Variants in CCDC141 observed in about 807,000 individuals in gnomAD.
CCDC141 encodes the protein coiled-coil domain-containing protein 141.
In CCDC141, 168 loss-of-function variants were observed where a neutral mutation model predicts 181.0. The ratio of observed to expected loss-of-function variants is 0.93; its 90% CI spans 0.82 to 1.05. The LOEUF is 1.05. Ranked by LOEUF, CCDC141 falls within the 50% of genes least tolerant of loss-of-function variation. CCDC141 has a pLI of 0.00. For missense variants in CCDC141, 1,902 were observed against 1,788.5 expected (o/e 1.06, Z -1.14); for synonymous variants, 666 against 642.3 (o/e 1.04, Z -0.56).
chr2:178,958,820 T>C (rs1383875970), intron 5 of CCDC141, among the ~76,000 whole-genome samples: 1 of 151,964 alleles, frequency 6.6e-6, no homozygotes, highest in African/African-American at 2.4e-5. Flanking sequence ...TAAAACTTAC[T>C]GTAGCTATTT....
intron 8 of CCDC141, among the ~76,000 whole-genome samples, chr2:178,902,211 C>T (rs570094393): frequency 6.6e-6 from 1 of 152,320 alleles, no homozygotes; most frequent in East Asian, 1.9e-4. Flanking sequence ...ATGCTATCCC[C>T]ATCAAGCTAC....
chr2:178,866,584 A>G (rs957039047), intron 16 of CCDC141, among the ~76,000 whole-genome samples: 1 of 152,246 alleles, frequency 6.6e-6, no homozygotes, highest in Admixed American at 6.5e-5. Context: ...ATGTATTTTA[A>G]AATAAAATGG....
At chr2:178,817,846 A>G in the CCDC141 span, among the ~76,000 whole-genome samples, 1 of 110,026 alleles carries the variant, frequency 9.1e-6, no homozygotes, top group Non-Finnish European at 1.6e-5. Flanking sequence ...TCTGTTGCCT[A>G]GGCTGGAGTG....
intron 2 of CCDC141, among the ~76,000 whole-genome samples, chr2:179,045,710 G>T (rs139357495): frequency 0.047 from 7,161 of 152,150 alleles, 190 homozygotes; most frequent in Middle Eastern, 0.11. Flanking sequence ...CATTCTAACT[G>T]GTGTGAGATG....
chr2:179,035,782 G>A (rs200835878), intron 2 of CCDC141, among the ~76,000 whole-genome samples: 7 of 152,132 alleles, frequency 4.6e-5, no homozygotes, highest in African/African-American at 1.7e-4. Flanking sequence ...TCTTGAGGCT[G>A]GGGCCCAGAA....
In CCDC141 at chr2:178,902,554, T is replaced by C. The variant is rs549032130; in HGVS notation, c.1265+2775A>G. ...GTGCTGGGAAAACTGGCTAGCCATA[T>C]GTAGAAAGCTGAAACTGGATCCCCT... On this transcript the variant is annotated intron_variant, in intron 8 of 23. Coordinates refer to ENST00000443758, the MANE Select transcript of CCDC141 (RefSeq NM_173648.4). Among the ~76,000 whole-genome samples the C allele has an allele frequency of 3.3e-5, 5 of 152,292 alleles. No homozygotes were observed. In the East Asian group the frequency reaches 9.6e-4, roughly 29 times the overall value.
chr2:178,989,605 A>AATAAATAAATAAAT (rs1559031994), intron 2 of CCDC141, among the ~76,000 whole-genome samples: 3 of 136,882 alleles, frequency 2.2e-5, no homozygotes, highest in Non-Finnish European at 3.1e-5. Context: ...AAAAAAAAAA[A>AATAAATAAATAAAT]AAATAAATAA....
intron 2 of CCDC141, among the ~76,000 whole-genome samples, chr2:179,003,537 T>C (rs1575331336): frequency 6.6e-6 from 1 of 152,202 alleles, no homozygotes; most frequent in East Asian, 1.9e-4. Context: ...ATATAGTAAG[T>C]ATGTAATAAA....
intron 2 of CCDC141, among the ~76,000 whole-genome samples, chr2:179,021,570 G>GCTCCT (rs1265363438): frequency 6.6e-6 from 1 of 152,166 alleles, no homozygotes; most frequent in Non-Finnish European, 1.5e-5. Context: ...ATTTTCAGGG[G>GCTCCT]CTCCTGTGCT....
chr2:179,026,583 G>A (rs1467627434), intron 2 of CCDC141, among the ~76,000 whole-genome samples: 2 of 152,172 alleles, frequency 1.3e-5, no homozygotes, highest in Admixed American at 6.5e-5. Context: ...GGAAATGTGG[G>A]GTCAGAGCCC....
intron 3 of CCDC141, 54 bp from the exon 4 acceptor site, chr2:178,975,219 G>C: frequency 1.1e-6 from 1 of 923,734 alleles, no homozygotes. Flanking sequence ...AAATTAACGT[G>C]CCATTGTTAG....
intron 2 of CCDC141, among the ~76,000 whole-genome samples, chr2:179,024,907 C>G (rs751245244): frequency 6.6e-6 from 1 of 151,980 alleles, no homozygotes; most frequent in Non-Finnish European, 1.5e-5. Flanking sequence ...ACTGCAAAAA[C>G]TTTTTAAAAA....
At chr2:178,907,561 A>C (rs1199127856) in intron 7 of CCDC141, among the ~76,000 whole-genome samples, 4 of 152,208 alleles carry the variant, frequency 2.6e-5, no homozygotes, top group African/African-American at 9.6e-5. Flanking sequence ...AGGTTGAGAG[A>C]TTTCTCTTAT....
At chr2:179,034,995 A>G (rs1320852206) in intron 2 of CCDC141, among the ~76,000 whole-genome samples, 2 of 152,170 alleles carry the variant, frequency 1.3e-5, no homozygotes, top group Non-Finnish European at 2.9e-5. Context: ...GAAAACTCAT[A>G]TTCATCTCCA....
chr2:178,863,519 G>T (rs1044787591), intron 17 of CCDC141, among the ~76,000 whole-genome samples: 1 of 152,152 alleles, frequency 6.6e-6, no homozygotes, highest in Non-Finnish European at 1.5e-5. Flanking sequence ...ATAATGTCTA[G>T]ATAGCAAATA....
chr2:178,969,239 C>T (rs1209637973), intron 4 of CCDC141, among the ~76,000 whole-genome samples: 11 of 152,086 alleles, frequency 7.2e-5, no homozygotes, highest in Admixed American at 7.2e-4. Context: ...GGAACCCTTC[C>T]CAACTCATTT....
chr2:178,853,598 A>G lies in CCDC141; in HGVS notation c.3087T>C (p.Ser1029=), dbSNP rs1425405054. 6.2e-7 allele frequency: 1 copy of G among 1,613,092 alleles called. No individual in the cohort carries two copies. The highest frequency in any genetic ancestry group is 2.2e-5 in the East Asian group (1 of 44,854). Residue 1029 remains serine (S), a synonymous_variant, in exon 20 of 24, where the codon AGT becomes AGC. Transcript: ENST00000443758. ...ATTTTCCAACTCTTACAACTGTGGC[A>G]CTTGCATCTTCGTACCAAAAATGAC... ...EECHFWYEDA[S]ATVVRVGKYS...
At chr2:179,012,451 C>G (rs563021669) in intron 2 of CCDC141, among the ~76,000 whole-genome samples, 90 of 152,196 alleles carry the variant, frequency 5.9e-4, no homozygotes, top group African/African-American at 2.0e-3. Context: ...AGACTAACAA[C>G]AAGCAGTGAG....
At chr2:178,950,975 G>A (rs6433744) in intron 5 of CCDC141, among the ~76,000 whole-genome samples, 41,390 of 152,032 alleles carry the variant, frequency 0.27, 5,671 homozygotes, top group African/African-American at 0.31. Context: ...GCCCACAACA[G>A]TTATTTGTGT....
Sources: gnomAD v4.1 joint callset for allele counts (sites outside exome capture counted in the v4.1 genomes callset) on GRCh38, gnomAD v4.1.1 for gene constraint, MANE v1.5 for transcripts, NCBI Gene and HGNC (gene_info 2026-07-23, HGNC 2026-07-21) for gene names.